DNMT3L: variants seen among roughly 807,000 people sequenced by gnomAD.
DNMT3L encodes DNA methyltransferase 3 like.
A neutral mutation model predicts 36.2 loss-of-function variants in DNMT3L; 33 were observed. The ratio of observed to expected loss-of-function variants is 0.91; its 90% confidence interval spans 0.69 to 1.22. The LOEUF (loss-of-function observed/expected upper bound fraction) is 1.22. Among genes scored for constraint, DNMT3L ranks in the 50% most tolerant of loss-of-function variants. The probability of loss-of-function intolerance (pLI) is 0.00; values close to 1 mark genes in which losing one functional copy is unlikely to be tolerated. For synonymous variants in DNMT3L, 117 were observed against 121.7 expected, an observed-to-expected ratio of 0.96 and a Z score of 0.26; for missense variants, 310 against 303.1, an observed-to-expected ratio of 1.02 and a Z score of -0.17.
chr21:44,253,810 C>T (rs2040237064), intron 8 of DNMT3L, among the ~76,000 whole-genome samples: 1 of 152,232 alleles, frequency 6.6e-6, no homozygotes, highest in African/African-American at 2.4e-5. Flanking sequence ...ATGGACTCCA[C>T]TTCCCTGGAC....
rs187425910 is a variant in DNMT3L at position 44,258,044 on chromosome 21, A to G, written c.516+479T>C. ...ATCTCGTGATCCTTAACTAAATTACATCTGCAAAAACCCTGTTTCCAAATA... is the reference window on the plus strand; with the variant it reads ...ATCTCGTGATCCTTAACTAAATTACGTCTGCAAAAACCCTGTTTCCAAATA... On this transcript the variant is annotated intron_variant, in intron 6 of 11. Transcript: ENST00000628202. This position sits in a 1 kb window ranked among gnomAD's most constrained non-coding sequence, Gnocchi z 6.2. Among the ~76,000 whole-genome samples the G allele has an allele frequency of 3.3e-4, 51 of 152,348 alleles. No individual in the cohort carries two copies. Among genetic ancestry groups the G allele is most frequent in the African/African-American group, 1.2e-3 (49 of 41,584 alleles).
chr21:44,253,860 A>G (rs1215244461), intron 8 of DNMT3L, among the ~76,000 whole-genome samples: 3 of 152,214 alleles, frequency 2.0e-5, no homozygotes, highest in Non-Finnish European at 4.4e-5. Context: ...CATTAGCCCC[A>G]AACTCCTCAT....
chr21:44,258,943 A>G lies in DNMT3L; in HGVS notation c.345-249T>C, dbSNP rs1044256807. Among the ~76,000 whole-genome samples the G allele has an allele frequency of 3.9e-5, 6 of 152,128 alleles. No individual in the cohort carries two copies. Among genetic ancestry groups the G allele is most frequent in the Admixed American group, 3.3e-4 (5 of 15,272 alleles). The stretch of plus-strand genomic sequence containing the variant: ...CAATGACAGATCCAAGGAACCCCCT[A>G]AGCCACCTGTCTGCCCCCAAACTCG... On this transcript the variant is annotated intron_variant, in intron 5 of 11. Coordinates refer to ENST00000628202, the MANE Select transcript of DNMT3L (RefSeq NM_175867.3). This position sits in a 1 kb window ranked among gnomAD's most constrained non-coding sequence, Gnocchi z 6.2.
At position 44,261,757 on chromosome 21, in the gene DNMT3L, T is replaced by C; in HGVS notation, c.-25A>G. The C allele has an allele frequency of 6.4e-6, 1 of 155,424 alleles. No individual in the cohort carries two copies. 9.6% of individuals were successfully genotyped at this position (155,424 alleles called of 1,614,324 possible). A position where few individuals can be genotyped will look rare whatever the true frequency, so the allele number is the denominator to read the frequency against. On this transcript the variant is annotated 5_prime_UTR_variant, in exon 1 of 12. Transcript: ENST00000628202. ...AGACTCACAGGGCTGCTGCCACGGC[T>C]CCGGGTACAGCCAGCTGGTGGGTTC...
chr21:44,258,542 GC>G lies in DNMT3L; in HGVS notation c.496del (p.Ala166ProfsTer38). 2 of 1,584,890 alleles carry G rather than the reference GC, an allele frequency of 1.3e-6. No individual in the cohort carries two copies. Among genetic ancestry groups the G allele is most frequent in the Non-Finnish European group, 1.7e-6 (2 of 1,165,926 alleles). On this transcript the variant is annotated frameshift_variant, in exon 6 of 12. Coordinates refer to ENST00000628202, the MANE Select transcript of DNMT3L (RefSeq NM_175867.3). LOFTEE classifies it high-confidence loss of function. This position sits in a 1 kb window ranked among gnomAD's most constrained non-coding sequence, Gnocchi z 6.2. ...RRRKWRSQLK[A>X]FYDRESENPL... ...CCTTACCGACTCTCGGTCGTAGAAG[GC>G]CTTGAGCTGGCTGCGCCACTTCCTC...
chr21:44,259,107 C>T (rs538286863), intron 5 of DNMT3L, among the ~76,000 whole-genome samples: 3 of 152,050 alleles, frequency 2.0e-5, no homozygotes, highest in Non-Finnish European at 4.4e-5. Context: ...CGGAGGGAGC[C>T]GAGGCGAGGG....
At chr21:44,256,799 C>G (rs1311742694) in intron 6 of DNMT3L, among the ~76,000 whole-genome samples, 1 of 152,184 alleles carries the variant, frequency 6.6e-6, no homozygotes, top group Non-Finnish European at 1.5e-5. Flanking sequence ...TCACATGCTC[C>G]CTGTTAAAGG....
chr21:44,254,566 C>G (rs1316295116), intron 8 of DNMT3L, 51 bp downstream of exon 8: 2 of 1,593,384 alleles, frequency 1.3e-6, no homozygotes, highest in Admixed American at 1.7e-5. Context: ...TCTGAGGAAG[C>G]TCGCACCCCC....
Position 44,258,843 on chromosome 21 carries a change from G to C in DNMT3L, c.345-149C>G, listed in dbSNP as rs1880547215. On this transcript the variant is annotated intron_variant, in intron 5 of 11. Coordinates refer to ENST00000628202, the MANE Select transcript of DNMT3L (RefSeq NM_175867.3). The surrounding 1 kb of genome is among the most constrained non-coding windows in gnomAD (Gnocchi z 6.2). Reference sequence around the variant, plus strand: ...GACCAGGTGGTGGACTGGGAAGAGGGAGACGGTCCTTCCTAGAGACGCAGA... The same window carrying C: ...GACCAGGTGGTGGACTGGGAAGAGGCAGACGGTCCTTCCTAGAGACGCAGA... 3 of 1,143,508 alleles carry C rather than the reference G, an allele frequency of 2.6e-6. No homozygotes were observed. 70.8% of individuals were successfully genotyped at this position (1,143,508 alleles called of 1,614,324 possible).
intron 8 of DNMT3L, among the ~76,000 whole-genome samples, chr21:44,253,507 A>G (rs1170849611): frequency 6.6e-6 from 1 of 152,206 alleles, no homozygotes; most frequent in African/African-American, 2.4e-5. Context: ...ACCTGAGATC[A>G]GGAGTTCAAG....
At chr21:44,257,713 T>A (rs1286452016) in intron 6 of DNMT3L, among the ~76,000 whole-genome samples, 81 of 146,938 alleles carry the variant, frequency 5.5e-4, no homozygotes, top group African/African-American at 9.6e-4. Context: ...AATAAATAAA[T>A]AAATAAATAA....
At chr21:44,254,000 G>C (rs555292973) in intron 8 of DNMT3L, among the ~76,000 whole-genome samples, 2 of 152,302 alleles carry the variant, frequency 1.3e-5, no homozygotes, top group East Asian at 3.9e-4. Context: ...GCGGAGGTGA[G>C]GGGGGGCTGC....
At chr21:44,255,720 G>T (rs2040252237) in intron 7 of DNMT3L, among the ~76,000 whole-genome samples, 1 of 152,214 alleles carries the variant, frequency 6.6e-6, no homozygotes, top group South Asian at 2.1e-4. Context: ...GGCGCTGCGG[G>T]ATCAGGCTCC....
rs1461225076 is a variant in DNMT3L at position 44,261,768 on chromosome 21, C to G, written c.-36G>C. 6.4e-6 allele frequency: 1 copy of G among 155,186 alleles called. No homozygotes were observed. Among genetic ancestry groups the G allele is most frequent in the Non-Finnish European group, 1.4e-5 (1 of 70,006 alleles). The allele number at this position is 155,186 out of a possible 1,614,324, so 9.6% of individuals were successfully genotyped here. On this transcript the variant is annotated 5_prime_UTR_variant, in exon 1 of 12. Transcript: ENST00000628202. ...GCTGCTGCCACGGCTCCGGGTACAG[C>G]CAGCTGGTGGGTTCAAGGTTCCAGT...
At chr21:44,254,885 G>C (rs529573925) in intron 7 of DNMT3L, among the ~76,000 whole-genome samples, 180 bp from the exon 8 acceptor site, 22 of 152,176 alleles carry the variant, frequency 1.4e-4, no homozygotes, top group African/African-American at 5.3e-4. Context: ...GAGCGCAGTG[G>C]CGTGATCTTG....
intron 8 of DNMT3L, among the ~76,000 whole-genome samples, chr21:44,254,263 C>T (rs958044380): frequency 6.6e-6 from 1 of 152,232 alleles, no homozygotes; most frequent in Non-Finnish European, 1.5e-5. Flanking sequence ...GGACAGCGCC[C>T]CATCACAGGC....
intron 7 of DNMT3L, among the ~76,000 whole-genome samples, chr21:44,255,545 G>A (rs1045139563): frequency 6.7e-6 from 1 of 150,320 alleles, no homozygotes; most frequent in Non-Finnish European, 1.5e-5. Context: ...TACAGCACCA[G>A]GCATTTCTGG....
intron 6 of DNMT3L, among the ~76,000 whole-genome samples, chr21:44,256,507 T>C (rs1450258858): frequency 1.3e-5 from 2 of 150,644 alleles, no homozygotes; most frequent in Non-Finnish European, 1.5e-5. Flanking sequence ...CACTGCAACT[T>C]TCCGCCTCCC....
At chr21:44,260,760 T>G (rs551139787) in intron 3 of DNMT3L, 35 bp downstream of exon 3, 1 of 1,612,952 alleles carries the variant, frequency 6.2e-7, no homozygotes, top group African/African-American at 1.3e-5. Flanking sequence ...GCCCCGTCTC[T>G]TTTGTCTGGT....
Sources: gnomAD v4.1 joint callset for allele counts (sites outside exome capture counted in the v4.1 genomes callset) on GRCh38, gnomAD v4.1.1 for gene constraint, Gnocchi (gnomAD v3.1) non-coding constraint, MANE v1.5 for transcripts, NCBI Gene and HGNC (gene_info 2026-07-23, HGNC 2026-07-21) for gene names.